Variants in CNTLN observed in about 807,000 individuals in gnomAD.
The protein encoded by CNTLN is centlein, also known as centlein, centrosomal protein.
CNTLN carries 212 observed loss-of-function variants against 180.0 expected under a neutral mutation model. The ratio of observed to expected loss-of-function variants is 1.18; its 90% confidence interval spans 1.05 to 1.32. CNTLN has a LOEUF of 1.32. Ranked by LOEUF, CNTLN falls within the 40% of genes most tolerant of loss-of-function variation. The probability of loss-of-function intolerance (pLI) is 0.00; values close to 1 mark genes in which losing one functional copy is unlikely to be tolerated. For missense variants in CNTLN, 2,095 were observed against 1,610.9 expected (o/e 1.30, Z -5.14); for synonymous variants, 722 against 563.1 (o/e 1.28, Z -3.99).
chr9:17,513,693 G>A, the CNTLN span, among the ~76,000 whole-genome samples: 1,115 of 152,040 alleles, frequency 7.3e-3, 13 homozygotes, highest in African/African-American at 0.025. Context: ...AACAGAATGC[G>A]ACCCTGTCTT....
chr9:17,247,214 A>G (rs1464287624), intron 5 of CNTLN, among the ~76,000 whole-genome samples: 1 of 151,972 alleles, frequency 6.6e-6, no homozygotes, highest in Non-Finnish European at 1.5e-5. Context: ...TGGGAATTGC[A>G]ATCCTTGTGG....
In CNTLN at chr9:17,500,637, C is replaced by T. The variant is rs61605576; in HGVS notation, c.4120-1914C>T. On this transcript the variant is annotated intron_variant, in intron 25 of 25. Coordinates refer to ENST00000380647, the MANE Select transcript of CNTLN (RefSeq NM_017738.4). ...AGTGCCTGTTAGCCTTTTAAAGACT[C>T]TTAAGAGGTAGAAGTTTGGTTTGTT... is the stretch of plus-strand genomic sequence containing the variant. Among the ~76,000 whole-genome samples, 1,342 of 152,232 alleles carry T rather than the reference C, an allele frequency of 8.8e-3. 20 individuals carry two copies. The highest frequency in any genetic ancestry group is 0.031 in the African/African-American group (1,271 of 41,542).
At chr9:17,487,664 G>A (rs1036278375) in intron 25 of CNTLN, among the ~76,000 whole-genome samples, 1 of 152,096 alleles carries the variant, frequency 6.6e-6, no homozygotes, top group Non-Finnish European at 1.5e-5. Context: ...CATTTTCTGG[G>A]CCGAGTGGAA....
chr9:17,137,072 C>T (rs945460755), intron 1 of CNTLN, among the ~76,000 whole-genome samples: 1 of 152,132 alleles, frequency 6.6e-6, no homozygotes, highest in Non-Finnish European at 1.5e-5. Context: ...TGAACCTCTT[C>T]CCACAAATAC....
At chr9:17,157,146 A>G (rs1280273900) in intron 2 of CNTLN, among the ~76,000 whole-genome samples, 6 of 152,210 alleles carry the variant, frequency 3.9e-5, no homozygotes, top group Admixed American at 2.6e-4. Context: ...GAGCAACTTC[A>G]GCCAGCATGT....
intron 23 of CNTLN, among the ~76,000 whole-genome samples, chr9:17,477,919 T>A (rs1832439168): frequency 1.3e-5 from 2 of 152,194 alleles, no homozygotes; most frequent in Admixed American, 1.3e-4. Context: ...CATCACATGC[T>A]ATAGAGAAAT....
chr9:17,298,878 A>G (rs550466451), intron 7 of CNTLN: 3 of 985,388 alleles, frequency 3.0e-6, no homozygotes, highest in African/African-American at 1.7e-5. Context: ...GGAGCCTTTC[A>G]AGAAGGTTTA....
intron 8 of CNTLN, among the ~76,000 whole-genome samples, chr9:17,309,587 TCTAA>T (rs1587610110): frequency 3.8e-5 from 2 of 52,024 alleles, no homozygotes; most frequent in Non-Finnish European, 6.1e-5. Flanking sequence ...ATAGAAAGTA[TCTAA>T]CTAAGTTTCA....
intron 12 of CNTLN, among the ~76,000 whole-genome samples, chr9:17,361,389 G>A (rs1823380631): frequency 6.6e-6 from 1 of 152,212 alleles, no homozygotes; most frequent in Admixed American, 6.5e-5. Context: ...TGCCTCTGAT[G>A]TTCAACTAAG....
chr9:17,350,078 C>T (rs1014985869), intron 12 of CNTLN, among the ~76,000 whole-genome samples: 4 of 152,128 alleles, frequency 2.6e-5, no homozygotes, highest in Admixed American at 2.6e-4. Context: ...CATCACAGTC[C>T]AACATATGTT....
intron 12 of CNTLN, among the ~76,000 whole-genome samples, chr9:17,349,864 A>T (rs1272166643): frequency 2.6e-5 from 4 of 152,182 alleles, no homozygotes; most frequent in Non-Finnish European, 5.9e-5. Flanking sequence ...CCAGGCACTA[A>T]CCAGGGGCTG....
chr9:17,429,694 G>A (rs1281964542), intron 18 of CNTLN, among the ~76,000 whole-genome samples: 3 of 151,920 alleles, frequency 2.0e-5, no homozygotes, highest in South Asian at 4.1e-4. Flanking sequence ...ATGGGTCATG[G>A]TTAGTAAATG....
chr9:17,481,847 C>A (rs1832665703), intron 23 of CNTLN, among the ~76,000 whole-genome samples: 2 of 152,230 alleles, frequency 1.3e-5, no homozygotes, highest in African/African-American at 4.8e-5. Context: ...TGGGCAGCAG[C>A]CCTGCCCAGC....
At chr9:17,423,927 C>T (rs1184796227) in intron 18 of CNTLN, among the ~76,000 whole-genome samples, 2 of 152,122 alleles carry the variant, frequency 1.3e-5, no homozygotes, top group African/African-American at 2.4e-5. Context: ...TTTCTACCCT[C>T]TTCAGTGCCT....
At chr9:17,182,869 T>C (rs1821206893) in intron 2 of CNTLN, among the ~76,000 whole-genome samples, 1 of 152,204 alleles carries the variant, frequency 6.6e-6, no homozygotes, top group Non-Finnish European at 1.5e-5. Context: ...CTGTATTCAG[T>C]TGGGCATAAT....
rs1273522976 is a variant in CNTLN, at chr9:17,475,673, C to T, written c.3856-8622C>T. Among the ~76,000 whole-genome samples the T allele has an allele frequency of 4.6e-5, 7 of 152,020 alleles. No homozygotes were observed. In the East Asian group the frequency reaches 7.8e-4, roughly 17 times the overall value. On this transcript the variant is annotated intron_variant, in intron 23 of 25. Transcript: ENST00000380647. ...GGATCACGAGGTCAGGAGATCAAGACCATCCTGGCTAACATGGTGAAACTC... is the reference window on the plus strand; with the variant it reads ...GGATCACGAGGTCAGGAGATCAAGATCATCCTGGCTAACATGGTGAAACTC...
chr9:17,282,068 T>C (rs996181971), intron 6 of CNTLN, among the ~76,000 whole-genome samples: 1 of 152,144 alleles, frequency 6.6e-6, no homozygotes, highest in Non-Finnish European at 1.5e-5. Context: ...GTTCAAGCAA[T>C]TCTTCTGCCT....
At chr9:17,361,878 A>G (rs1823420485) in intron 12 of CNTLN, among the ~76,000 whole-genome samples, 3 of 152,202 alleles carry the variant, frequency 2.0e-5, no homozygotes, top group Non-Finnish European at 4.4e-5. Context: ...TAGATTTTAA[A>G]TTGTGGTCCT....
chr9:17,151,296 C>T (rs1362621498), intron 2 of CNTLN, among the ~76,000 whole-genome samples: 1 of 152,076 alleles, frequency 6.6e-6, no homozygotes, highest in Non-Finnish European at 1.5e-5. Context: ...TCATAAATAG[C>T]TCTTATTATT....
Sources: allele counts gnomAD v4.1 joint callset (sites outside exome capture counted in the v4.1 genomes callset), GRCh38; gene constraint gnomAD v4.1.1; transcripts MANE v1.5; gene names NCBI Gene and HGNC (gene_info 2026-07-23, HGNC 2026-07-21).